Variants in MIS18BP1 observed in about 807,000 individuals in gnomAD.
MIS18BP1 encodes mis18-binding protein 1.
A neutral mutation model predicts 116.1 loss-of-function variants in MIS18BP1; 72 were observed. That is an observed-to-expected ratio of 0.62 (90% CI 0.51 to 0.75). MIS18BP1 has a LOEUF of 0.75. MIS18BP1 is among the 30% of genes least tolerant of loss of function. MIS18BP1 has a pLI of 0.00. For missense variants in MIS18BP1, 1,363 were observed against 1,303.2 expected (o/e 1.05, Z -0.71); for synonymous variants, 386 against 427.0 (o/e 0.90, Z 1.18).
intron 4 of MIS18BP1, among the ~76,000 whole-genome samples, chr14:45,238,661 A>T (rs1891491593): frequency 6.6e-6 from 1 of 152,072 alleles, no homozygotes; most frequent in African/African-American, 2.4e-5. Flanking sequence ...AAGATTCCAA[A>T]AAAAAGTTTA....
rs2139128981 is a variant in MIS18BP1 at position 45,203,504 on chromosome 14, A to G, written c.*605T>C. The G allele has an allele frequency of 6.6e-6, 1 of 152,294 alleles. No individual in the cohort carries two copies. The highest frequency in any genetic ancestry group is 1.5e-5 in the Non-Finnish European group (1 of 68,004). 9.4% of individuals were successfully genotyped at this position (152,294 alleles called of 1,614,324 possible). A position where few individuals can be genotyped will look rare whatever the true frequency, so the allele number is the denominator to read the frequency against. On this transcript the variant is annotated 3_prime_UTR_variant, in exon 17 of 17. Coordinates refer to ENST00000310806, the MANE Select transcript of MIS18BP1 (RefSeq NM_018353.5). ...TAATTTTACCTAGTAAAATAATGGT[A>G]AAGCAATAAACTAAATTTACAAAGG...
intron 1 of MIS18BP1, among the ~76,000 whole-genome samples, chr14:45,247,603 G>A (rs1891757554): frequency 6.6e-6 from 1 of 152,074 alleles, no homozygotes; most frequent in African/African-American, 2.4e-5. Flanking sequence ...GGGAGGCTGA[G>A]CAGGGAGGAT....
intron 2 of MIS18BP1, among the ~76,000 whole-genome samples, chr14:45,245,961 C>G (rs1891711862): frequency 6.6e-6 from 1 of 152,234 alleles, no homozygotes; most frequent in African/African-American, 2.4e-5. Flanking sequence ...CTCCTTCCGT[C>G]TGTCCTAGAG....
Position 45,235,207 on chromosome 14 carries a change from CA to C in MIS18BP1, c.1348+606del, listed in dbSNP as rs201225566. On this transcript the variant is annotated intron_variant, in intron 6 of 16. Transcript: ENST00000310806. ...GGGCAACAGAGCAAGACTCCATCTC[CA>C]AAAAAAAAAAAAAACAACCCCAAGC... Among the ~76,000 whole-genome samples, 352 of 95,638 alleles carry C rather than the reference CA, an allele frequency of 3.7e-3. 1 individual carries two copies. Among genetic ancestry groups the C allele is most frequent in the African/African-American group, 7.7e-3 (215 of 27,790 alleles). The allele number at this position is 95,638 out of a possible 152,430, so 62.7% of individuals were successfully genotyped here.
At chr14:45,208,642 A>G (rs1316373942) in intron 14 of MIS18BP1, among the ~76,000 whole-genome samples, 2 of 152,148 alleles carry the variant, frequency 1.3e-5, no homozygotes, top group East Asian at 1.9e-4. Flanking sequence ...ACGGATGAAT[A>G]TTTTAAGGCT....
At position 45,204,438 on chromosome 14, in the gene MIS18BP1, A is replaced by C. The variant is rs1890455600; in HGVS notation, c.3256T>G (p.Ser1086Ala). Reference sequence around the variant, plus strand: ...GTTTTCCTTCTTGGTGTTGGAGTTGAGAAATCAGTTTCAACCTATAAAAGA... The same window carrying C: ...GTTTTCCTTCTTGGTGTTGGAGTTGCGAAATCAGTTTCAACCTATAAAAGA... ...IKKKLVETDF[S>A]TPTPRRKTPF... Residue 1086 changes from serine to alanine, a missense_variant, in exon 16 of 17, where the codon TCA becomes GCA. By Grantham distance (99) the Ser-to-Ala change is moderately conservative. Coordinates refer to ENST00000310806, the MANE Select transcript of MIS18BP1 (RefSeq NM_018353.5). 6.2e-7 allele frequency: 1 copy of C among 1,604,840 alleles called. No homozygotes were observed. Among genetic ancestry groups the C allele is most frequent in the African/African-American group, 1.3e-5 (1 of 74,334 alleles).
rs1236695935 is a variant in MIS18BP1, at chr14:45,235,943, C to G, written c.1219G>C (p.Asp407His). The G allele has an allele frequency of 6.3e-7, 1 of 1,591,876 alleles. No individual in the cohort carries two copies. The highest frequency in any genetic ancestry group is 8.5e-7 in the Non-Finnish European group (1 of 1,172,986). ...TAICVEGKLIDVTNIYWHSNV... is the reference protein window; with the variant it reads ...TAICVEGKLIHVTNIYWHSNV... ...CTGTGCCAATATATGTTAGTGACGT[C>G]TCTAGGAAAAAAAAATAGTTTTGGT... Residue 407 changes from aspartate to histidine, a missense_variant and splice_region_variant, in exon 6 of 17, where the codon GAC (aspartate) becomes CAC (histidine). Physicochemically the swap from Asp to His is moderately conservative, Grantham distance 81. Coordinates refer to ENST00000310806, the MANE Select transcript of MIS18BP1 (RefSeq NM_018353.5).
At chr14:45,225,302 GAGACATGTATTATA>G (rs1197831716) in intron 10 of MIS18BP1, among the ~76,000 whole-genome samples, 28 of 152,082 alleles carry the variant, frequency 1.8e-4, no homozygotes, top group Admixed American at 1.8e-3. Flanking sequence ...GTTTGACAGT[GAGACATGTATTATA>G]ATTGCACACT....
chr14:45,218,357 T>C lies in MIS18BP1; in HGVS notation c.2767A>G (p.Met923Val). 6.2e-7 allele frequency: 1 copy of C among 1,614,110 alleles called. No individual in the cohort carries two copies. The highest frequency in any genetic ancestry group is 8.5e-7 in the Non-Finnish European group (1 of 1,180,000). Residue 923 changes from methionine (M) to valine (V), a missense_variant, in exon 12 of 17, where the codon ATG (methionine) becomes GTG (valine). Met to Val is a conservative substitution (Grantham distance 21, BLOSUM62 1). Coordinates refer to ENST00000310806, the MANE Select transcript of MIS18BP1 (RefSeq NM_018353.5). The part of the protein sequence containing the change: ...RSPEECQRKY[M>V]ENPRGKGSQK... ...GATCCTTTTCCTCTGGGATTTTCCA[T>C]GTATTTCCTCTGGCATTCTTCAGGA...
Position 45,242,491 on chromosome 14 carries a change from T to C in MIS18BP1, c.686A>G (p.Glu229Gly). Reference sequence around the variant, plus strand: ...TCGGGCTTCTACAGCCAAAAAATTTTCCTGTTCTTGGTTCAGAGTTGGAAG... The same window carrying C: ...TCGGGCTTCTACAGCCAAAAAATTTCCCTGTTCTTGGTTCAGAGTTGGAAG... ...YELPTLNQEQ[E>G]NFLAVEARNK... The change falls in exon 4 of 17, where the codon GAA (glutamate) becomes GGA (glycine). Residue 229 changes from glutamate to glycine, a missense_variant. Glu to Gly is a moderately conservative substitution (Grantham distance 98). Coordinates refer to ENST00000310806, the MANE Select transcript of MIS18BP1 (RefSeq NM_018353.5). The C allele has an allele frequency of 6.3e-7, 1 of 1,595,240 alleles. No homozygotes were observed. Among genetic ancestry groups the C allele is most frequent in the Non-Finnish European group, 8.5e-7 (1 of 1,174,646 alleles).
intron 8 of MIS18BP1, among the ~76,000 whole-genome samples, chr14:45,230,734 C>T (rs1891250371): frequency 6.6e-6 from 1 of 152,056 alleles, no homozygotes; most frequent in Non-Finnish European, 1.5e-5. Flanking sequence ...ATCCTCCCAC[C>T]TTAGCCTCTC....
At chr14:45,208,261 C>T (rs1340788604) in intron 14 of MIS18BP1, among the ~76,000 whole-genome samples, 1 of 150,964 alleles carries the variant, frequency 6.6e-6, no homozygotes, top group East Asian at 1.9e-4. Context: ...TTATGATGAA[C>T]ATCTGTGTTC....
intron 5 of MIS18BP1, among the ~76,000 whole-genome samples, chr14:45,237,404 T>TA (rs970209412): frequency 6.6e-6 from 1 of 152,040 alleles, no homozygotes; most frequent in Non-Finnish European, 1.5e-5. Flanking sequence ...CAGAAAAAAA[T>TA]AAACCACTAT....
chr14:45,242,682 C>T, intron 3 of MIS18BP1, 79 bp downstream of exon 3: 1 of 1,463,052 alleles, frequency 6.8e-7, no homozygotes, highest in Non-Finnish European at 9.2e-7. Context: ...GTTTAATGCC[C>T]ACACAAGGAA....
intron 12 of MIS18BP1, among the ~76,000 whole-genome samples, chr14:45,217,838 A>G (rs1890865668): frequency 6.6e-6 from 1 of 152,186 alleles, no homozygotes; most frequent in African/African-American, 2.4e-5. Context: ...CTGAATTATG[A>G]CAGGGTATTG....
chr14:45,242,007 A>G (rs1335989255), intron 4 of MIS18BP1, 27 bp downstream of exon 4: 1 of 1,559,252 alleles, frequency 6.4e-7, no homozygotes, highest in Non-Finnish European at 8.6e-7. Context: ...AAATAGAAAT[A>G]AATATCTGTC....
chr14:45,211,243 A>G (rs989531845), intron 13 of MIS18BP1, among the ~76,000 whole-genome samples: 4 of 152,164 alleles, frequency 2.6e-5, no homozygotes, highest in African/African-American at 9.7e-5. Flanking sequence ...TTTCCTTAGA[A>G]GCTTCAGGGG....
intron 1 of MIS18BP1, among the ~76,000 whole-genome samples, chr14:45,251,414 AC>A (rs1379800434): frequency 6.6e-6 from 1 of 152,198 alleles, no homozygotes; most frequent in Non-Finnish European, 1.5e-5. Flanking sequence ...TAAATACAGA[AC>A]TGAAGCTAAA....
chr14:45,204,138 A>C lies in MIS18BP1; in HGVS notation c.3370T>G (p.Tyr1124Asp), dbSNP rs149622481. The C allele has an allele frequency of 9.7e-5, 156 of 1,610,648 alleles. 1 individual carries two copies. In the South Asian group the frequency reaches 1.7e-3, roughly 17 times the overall value. Residue 1124 changes from tyrosine to aspartate, a missense_variant, in exon 17 of 17, where the codon TAT (tyrosine) becomes GAT (aspartate). Transcript: ENST00000310806. ...GCAGAATCAGAGTTCGAAAAATAAT[A>C]ATCTTTCTCTTCTTCATCTAAAGAT... ...VESLDEEEKDYYFSNSDSA is the reference protein window; with the variant it reads ...VESLDEEEKDDYFSNSDSA
Sources: gnomAD v4.1 joint callset for allele counts (sites outside exome capture counted in the v4.1 genomes callset) on GRCh38, gnomAD v4.1.1 for gene constraint, MANE v1.5 for transcripts, NCBI Gene and HGNC (gene_info 2026-07-23, HGNC 2026-07-21) for gene names.